KLF12: variants seen among roughly 807,000 people sequenced by gnomAD.
The protein encoded by KLF12 is KLF transcription factor 12.
Under a neutral mutation model 37.8 loss-of-function variants are expected in KLF12, and 9 were observed. The observed-to-expected ratio is 0.24, with a 90% CI of 0.14 to 0.42. KLF12 has a LOEUF of 0.42. KLF12 is among the 10% of genes least tolerant of loss of function. KLF12 has a pLI of 1.00. For synonymous variants in KLF12, 208 were observed against 202.1 expected (o/e 1.03, Z -0.25); for missense variants, 411 against 516.0 (o/e 0.80, Z 1.97).
At chr13:73,783,536 C>T (rs547496499) in intron 5 of KLF12, among the ~76,000 whole-genome samples, 2 of 151,992 alleles carry the variant, frequency 1.3e-5, no homozygotes, top group Non-Finnish European at 2.9e-5. Context: ...ATCCTAAATA[C>T]CCTGATTGGA....
chr13:73,776,598 T>C (rs2138159522), intron 5 of KLF12, among the ~76,000 whole-genome samples: 1 of 152,298 alleles, frequency 6.6e-6, no homozygotes, highest in Non-Finnish European at 1.5e-5. Context: ...TTTATAGTAG[T>C]CACATTCAAA....
At chr13:74,156,616 C>T in the KLF12 span, among the ~76,000 whole-genome samples, 1 of 151,870 alleles carries the variant, frequency 6.6e-6, no homozygotes, top group Non-Finnish European at 1.5e-5. Flanking sequence ...CACGCCCACC[C>T]CCAAACCCCC....
chr13:74,177,047 T>G, the KLF12 span, among the ~76,000 whole-genome samples: 1 of 152,234 alleles, frequency 6.6e-6, no homozygotes, highest in East Asian at 1.9e-4. Context: ...GAATCTTCCT[T>G]GATCTTCTCT....
chr13:73,767,257 G>A (rs958254373), intron 5 of KLF12, among the ~76,000 whole-genome samples: 1 of 152,090 alleles, frequency 6.6e-6, no homozygotes, highest in African/African-American at 2.4e-5. Flanking sequence ...TAGAAGCCAG[G>A]CAGGTAGCAA....
chr13:73,832,222 CTACTCTCATTATT>C (rs1358397798), intron 4 of KLF12, among the ~76,000 whole-genome samples: 1 of 152,148 alleles, frequency 6.6e-6, no homozygotes, highest in African/African-American at 2.4e-5. Flanking sequence ...CCTCCATTCT[CTACTCTCATTATT>C]TACTCTTTTC....
the KLF12 span, among the ~76,000 whole-genome samples, chr13:74,271,492 T>A: frequency 6.6e-6 from 1 of 152,318 alleles, no homozygotes; most frequent in South Asian, 2.1e-4. Flanking sequence ...AAGACATTTG[T>A]AAGGCAGAAG....
chr13:73,981,597 T>A (rs1891689960), intron 2 of KLF12, among the ~76,000 whole-genome samples: 2 of 152,150 alleles, frequency 1.3e-5, no homozygotes, highest in Admixed American at 1.3e-4. Flanking sequence ...TTATATATGA[T>A]GAAAAGAAAG....
chr13:74,144,748 TTTAG>T, the KLF12 span, among the ~76,000 whole-genome samples: 1 of 152,150 alleles, frequency 6.6e-6, no homozygotes, highest in Non-Finnish European at 1.5e-5. Context: ...AGAATGTCTG[TTTAG>T]TTATTTTAGA....
At chr13:74,062,678 T>C (rs936979499) in intron 1 of KLF12, among the ~76,000 whole-genome samples, 1 of 152,196 alleles carries the variant, frequency 6.6e-6, no homozygotes, top group Admixed American at 6.5e-5. Context: ...GCTGATAAAT[T>C]ATCTATAAAT....
At position 73,845,924 on chromosome 13, in the gene KLF12, C is replaced by G; in HGVS notation, c.573G>C (p.Gln191His). ...CAGCTGTGTAGACAACAGGCACCGA[C>G]TGTACCACCACGGGGATGCGGTGAA... The change falls in exon 4 of 8, where the codon CAG becomes CAC. Residue 191 changes from glutamine (Q) to histidine (H), a missense_variant. Transcript: ENST00000377669. 2 of 1,614,196 alleles carry G rather than the reference C, an allele frequency of 1.2e-6. No individual in the cohort carries two copies. Among genetic ancestry groups the G allele is most frequent in the South Asian group, 1.1e-5 (1 of 91,092 alleles).
intron 6 of KLF12, among the ~76,000 whole-genome samples, chr13:73,733,962 T>C (rs1209812324): frequency 6.6e-6 from 1 of 152,212 alleles, no homozygotes; most frequent in African/African-American, 2.4e-5. Flanking sequence ...GTCTTTATCA[T>C]CACCTATAAG....
chr13:74,134,131 C>T (rs1057239273), upstream of KLF12, among the ~76,000 whole-genome samples: 1 of 149,134 alleles, frequency 6.7e-6, no homozygotes, highest in Non-Finnish European at 1.5e-5. Flanking sequence ...CCCTCGCAGC[C>T]CGCAGCTCAG....
intron 1 of KLF12, among the ~76,000 whole-genome samples, chr13:74,112,709 C>T (rs9565077): frequency 0.54 from 82,534 of 151,906 alleles, 27,479 homozygotes; most frequent in East Asian, 0.88. Context: ...ATCTCTCTCC[C>T]GGAGACTTAA....
At chr13:73,737,782 A>C (rs1877565781) in intron 6 of KLF12, among the ~76,000 whole-genome samples, 1 of 152,104 alleles carries the variant, frequency 6.6e-6, no homozygotes, top group Non-Finnish European at 1.5e-5. Context: ...CACAGCAAGA[A>C]GATTAGCTAA....
intron 2 of KLF12, among the ~76,000 whole-genome samples, chr13:73,946,679 A>G (rs1400150848): frequency 1.3e-5 from 2 of 152,208 alleles, no homozygotes; most frequent in South Asian, 2.1e-4. Flanking sequence ...CACAACTATA[A>G]TAAACACCAT....
At chr13:73,894,814 C>A (rs1026581132) in intron 3 of KLF12, among the ~76,000 whole-genome samples, 3 of 151,930 alleles carry the variant, frequency 2.0e-5, no homozygotes, top group African/African-American at 7.3e-5. Context: ...GAAAAAATAC[C>A]CAATCCGCTT....
At chr13:74,254,534 A>AAAT in the KLF12 span, among the ~76,000 whole-genome samples, 1 of 152,176 alleles carries the variant, frequency 6.6e-6, no homozygotes, top group East Asian at 1.9e-4. Flanking sequence ...ATCTACACAG[A>AAAT]AATATAGCAA....
the KLF12 span, among the ~76,000 whole-genome samples, chr13:74,255,633 G>A: frequency 6.6e-6 from 1 of 152,214 alleles, no homozygotes; most frequent in South Asian, 2.1e-4. Flanking sequence ...ATATTGAGTG[G>A]TTTCTACTTA....
the KLF12 span, among the ~76,000 whole-genome samples, chr13:74,203,280 T>A: frequency 1.3e-5 from 2 of 152,026 alleles, no homozygotes; most frequent in South Asian, 2.1e-4. Flanking sequence ...AGATTGCAGA[T>A]CTCAATCTGT....
Sources: gnomAD v4.1 joint callset for allele counts (sites outside exome capture counted in the v4.1 genomes callset) on GRCh38, gnomAD v4.1.1 for gene constraint, MANE v1.5 for transcripts, NCBI Gene and HGNC (gene_info 2026-07-23, HGNC 2026-07-21) for gene names.